The following RAP2A variants were observed in gnomAD, a reference collection of about 807,000 sequenced individuals.
RAP2A encodes RAP2A, member of RAS oncogene family.
A neutral mutation model predicts 15.1 loss-of-function variants in RAP2A; 5 were observed. The observed-to-expected ratio is 0.33, with a 90% confidence interval of 0.17 to 0.70. The LOEUF (loss-of-function observed/expected upper bound fraction) is 0.70, where lower values mean the gene tolerates loss of function less well. Among genes scored for constraint, RAP2A ranks in the 30% least tolerant of loss-of-function variants. The pLI, the probability that RAP2A is intolerant of heterozygous loss-of-function variation, is 0.68. For synonymous variants in RAP2A, 110 were observed against 99.7 expected (o/e 1.10, Z -0.62); for missense variants, 111 against 240.3 (o/e 0.46, Z 3.56).
chr13:97,453,649 C>T (rs2066711479), intron 1 of RAP2A, among the ~76,000 whole-genome samples: 1 of 151,086 alleles, frequency 6.6e-6, no homozygotes, highest in African/African-American at 2.4e-5. Flanking sequence ...TTGGTTGTTT[C>T]TGATTTTTAC....
chr13:97,446,637 G>A (rs968344394), intron 1 of RAP2A, among the ~76,000 whole-genome samples: 7 of 152,124 alleles, frequency 4.6e-5, no homozygotes, highest in African/African-American at 1.7e-4. Flanking sequence ...AACAGCTTCC[G>A]CCTTACTTTC....
intron 1 of RAP2A, chr13:97,435,797 T>C (rs1363802287): frequency 1.3e-5 from 2 of 152,230 alleles, no homozygotes; most frequent in Non-Finnish European, 2.9e-5. Context: ...ATCTAGTTCT[T>C]GTTAGTTAAT....
At chr13:97,458,295 T>TACC (rs1375792640) in intron 1 of RAP2A, among the ~76,000 whole-genome samples, 1 of 152,198 alleles carries the variant, frequency 6.6e-6, no homozygotes, top group African/African-American at 2.4e-5. Context: ...ACTAAGAAGA[T>TACC]ACCAGCATGT....
In RAP2A at chr13:97,434,784, G is replaced by A. The variant is rs2066625383; in HGVS notation, c.314G>A (p.Arg105Gln). 1 of 1,613,836 alleles carries A rather than the reference G, an allele frequency of 6.2e-7. No homozygotes were observed. The part of the protein sequence containing the change: ...PMRDQIIRVK[R>Q]YEKVPVILVG... ...CGGGACCAGATCATCCGCGTGAAGC[G>A]GTGAGCGAGGGCACACGGGGGCTTG... The change falls in exon 1 of 2, where the codon CGG (arginine) becomes CAG (glutamine). Residue 105 changes from arginine to glutamine, a missense_variant and splice_region_variant. Physicochemically the swap from Arg to Gln is conservative, Grantham distance 43. Transcript: ENST00000245304.
intron 1 of RAP2A, among the ~76,000 whole-genome samples, chr13:97,447,249 A>G (rs144758747): frequency 2.0e-4 from 31 of 152,342 alleles, no homozygotes; most frequent in Middle Eastern, 3.4e-3. Context: ...TTAAGAATGT[A>G]GTGTATTATG....
chr13:97,444,603 G>C (rs2066672239), intron 1 of RAP2A, among the ~76,000 whole-genome samples: 1 of 152,108 alleles, frequency 6.6e-6, no homozygotes, highest in African/African-American at 2.4e-5. Context: ...ATAAGAACAA[G>C]ATACTATCTT....
In RAP2A at chr13:97,468,827, ACT is replaced by A. The variant is rs2139046052; in HGVS notation, c.*4388_*4389del. On this transcript the variant is annotated 3_prime_UTR_variant, in exon 2 of 2. Transcript: ENST00000245304. Reference sequence around the variant, plus strand: ...AACGTCTTTGAGGCTAAAAAGTAGTACTCTGAAATTCTCTCAAGTTATATTAT... The same window carrying A: ...AACGTCTTTGAGGCTAAAAAGTAGTACTGAAATTCTCTCAAGTTATATTAT... 1 of 152,280 alleles carries A rather than the reference ACT, an allele frequency of 6.6e-6. No homozygotes were observed. The highest frequency in any genetic ancestry group is 1.9e-4 in the East Asian group (1 of 5,180). 9.4% of individuals were successfully genotyped at this position (152,280 alleles called of 1,614,324 possible).
intron 1 of RAP2A, among the ~76,000 whole-genome samples, chr13:97,442,994 CAA>C (rs1268884490): frequency 6.6e-6 from 1 of 152,106 alleles, no homozygotes; most frequent in Non-Finnish European, 1.5e-5. Flanking sequence ...TCTAGTAATT[CAA>C]GATAACTTTT....
chr13:97,444,339 A>G (rs1282720995), intron 1 of RAP2A, among the ~76,000 whole-genome samples: 3 of 141,228 alleles, frequency 2.1e-5, no homozygotes, highest in African/African-American at 7.3e-5. Flanking sequence ...AGCAATCAGC[A>G]TATTAGTATT....
intron 1 of RAP2A, among the ~76,000 whole-genome samples, chr13:97,460,049 T>C (rs2066739941): frequency 6.6e-6 from 1 of 152,196 alleles, no homozygotes; most frequent in Non-Finnish European, 1.5e-5. Flanking sequence ...ATCCCAAATA[T>C]TTGTGTTTGA....
intron 1 of RAP2A, among the ~76,000 whole-genome samples, chr13:97,443,439 G>GTGCAGCGGCGCCATCAGAGCTTAC (rs2066666240): frequency 6.6e-6 from 1 of 152,134 alleles, no homozygotes; most frequent in Non-Finnish European, 1.5e-5. Context: ...CCAGGCTGGA[G>GTGCAGCGGCGCCATCAGAGCTTAC]TGCAGCGGCG....
intron 1 of RAP2A, among the ~76,000 whole-genome samples, chr13:97,455,579 G>A (rs1426666231): frequency 6.6e-6 from 1 of 151,378 alleles, no homozygotes; most frequent in Non-Finnish European, 1.5e-5. Context: ...CTCCTTGTTT[G>A]GAAGATGATT....
rs1566476290 is a variant in RAP2A at position 97,464,437 on chromosome 13, C to A, written c.547C>A (p.Gln183Lys). 1 of 1,613,610 alleles carries A rather than the reference C, an allele frequency of 6.2e-7. No individual in the cohort carries two copies. Among genetic ancestry groups the A allele is most frequent in the South Asian group, 1.1e-5 (1 of 91,074 alleles). ...DDPCCSACNI[Q>K] ...CCCATGCTGTTCTGCATGTAACATA[C>A]AATAGCATCCAAATATGGCTGTCCT... is the stretch of plus-strand genomic sequence containing the variant. The change falls in exon 2 of 2, where the codon CAA becomes AAA. Residue 183 changes from glutamine (Q) to lysine (K), a missense_variant. Physicochemically the swap from Gln to Lys is moderately conservative, Grantham distance 53. Coordinates refer to ENST00000245304, the MANE Select transcript of RAP2A (RefSeq NM_021033.7).
At chr13:97,457,119 A>C (rs1201808475) in intron 1 of RAP2A, among the ~76,000 whole-genome samples, 1 of 152,132 alleles carries the variant, frequency 6.6e-6, no homozygotes, top group African/African-American at 2.4e-5. Flanking sequence ...TTTTAGTATA[A>C]ATTTCTAGAT....
chr13:97,447,000 T>C (rs1443748062), intron 1 of RAP2A, among the ~76,000 whole-genome samples: 3 of 152,256 alleles, frequency 2.0e-5, no homozygotes, highest in African/African-American at 7.2e-5. Context: ...AACACATTTT[T>C]AGATAAACAT....
intron 1 of RAP2A, among the ~76,000 whole-genome samples, chr13:97,443,684 C>T (rs953111865): frequency 6.6e-6 from 1 of 152,154 alleles, no homozygotes; most frequent in African/African-American, 2.4e-5. Flanking sequence ...GAGCCACTGC[C>T]CCTGGTCCTA....
At chr13:97,436,831 G>C (rs1188179864) in intron 1 of RAP2A, among the ~76,000 whole-genome samples, 2 of 152,140 alleles carry the variant, frequency 1.3e-5, no homozygotes, top group East Asian at 3.8e-4. Flanking sequence ...CTCTTCACCA[G>C]AATTCAACCG....
intron 1 of RAP2A, among the ~76,000 whole-genome samples, chr13:97,453,259 C>T (rs947887272): frequency 8.6e-5 from 13 of 151,294 alleles, no homozygotes; most frequent in African/African-American, 2.2e-4. Context: ...GAGGTAACAT[C>T]TTGCAAAACT....
intron 1 of RAP2A, chr13:97,437,525 A>C (rs1253652371): frequency 6.6e-6 from 1 of 152,210 alleles, no homozygotes; most frequent in Non-Finnish European, 1.5e-5. Context: ...AAATTGCTCA[A>C]AAAATTCTAG....
Sources: gnomAD v4.1 joint callset for allele counts (sites outside exome capture counted in the v4.1 genomes callset) on GRCh38, gnomAD v4.1.1 for gene constraint, MANE v1.5 for transcripts, NCBI Gene and HGNC (gene_info 2026-07-23, HGNC 2026-07-21) for gene names.